Variants in RIT2 observed in about 807,000 individuals in gnomAD.
RIT2 encodes the protein GTP-binding protein Rit2.
In RIT2, 24 loss-of-function variants were observed where a neutral mutation model predicts 23.7. The observed-to-expected ratio is 1.01, with a 90% CI of 0.73 to 1.43. The LOEUF (loss-of-function observed/expected upper bound fraction) is 1.43. Among genes scored for constraint, RIT2 ranks in the 40% most tolerant of loss-of-function variants. The pLI, the probability that RIT2 is intolerant of heterozygous loss-of-function variation, is 0.00. For synonymous variants in RIT2, 107 were observed against 91.1 expected (o/e 1.17, Z -0.99); for missense variants, 236 against 266.9 (o/e 0.88, Z 0.81).
At chr18:42,856,827 C>CTTTTTTTTT (rs756725926) in intron 4 of RIT2, among the ~76,000 whole-genome samples, 9 of 114,656 alleles carry the variant, frequency 7.8e-5, no homozygotes, top group African/African-American at 3.0e-4. Context: ...CTCTCTCTCT[C>CTTTTTTTTT]TTTTTTTTTT....
chr18:42,776,901 C>A (rs141775522), intron 4 of RIT2, among the ~76,000 whole-genome samples: 249 of 151,940 alleles, frequency 1.6e-3, no homozygotes, highest in Non-Finnish European at 3.1e-3. Flanking sequence ...CAACATGTAT[C>A]TAGAATAGAC....
At chr18:42,900,956 A>C (rs1159469656) in intron 4 of RIT2, among the ~76,000 whole-genome samples, 1 of 151,816 alleles carries the variant, frequency 6.6e-6, no homozygotes, top group African/African-American at 2.4e-5. Context: ...TTTTTATATC[A>C]CGGTTAAAAT....
intron 4 of RIT2, among the ~76,000 whole-genome samples, chr18:42,921,388 G>T (rs1909053191): frequency 6.6e-6 from 1 of 152,114 alleles, no homozygotes; most frequent in Non-Finnish European, 1.5e-5. Flanking sequence ...TATCAAATCT[G>T]CAAAGTTACT....
rs148512547 is a variant in RIT2 at position 42,947,206 on chromosome 18, G to A, written c.235-23443C>T. 3.4e-3 allele frequency among the ~76,000 whole-genome samples: 513 copies of A among 152,222 alleles called. 3 individuals carry two copies. In the Middle Eastern group the frequency reaches 0.034, roughly 10 times the overall value. ...GAGGACATAAAACTATTAGGAAAGAGAAGGATGTTGGAAATTGAGATGCAG... is the reference window on the plus strand; with the variant it reads ...GAGGACATAAAACTATTAGGAAAGAAAAGGATGTTGGAAATTGAGATGCAG... On this transcript the variant is annotated intron_variant, in intron 3 of 4. Transcript: ENST00000326695.
At chr18:43,014,606 T>G (rs1363538282) in intron 2 of RIT2, among the ~76,000 whole-genome samples, 1 of 113,998 alleles carries the variant, frequency 8.8e-6, no homozygotes, top group Non-Finnish European at 1.9e-5. Flanking sequence ...AAAAACATTT[T>G]TAAAATATAA....
chr18:43,104,179 C>T (rs2144242401), intron 1 of RIT2, among the ~76,000 whole-genome samples: 1 of 152,236 alleles, frequency 6.6e-6, no homozygotes, highest in South Asian at 2.1e-4. Context: ...TAAACTAAAT[C>T]AGGCATAGAA....
chr18:42,974,067 C>T lies in RIT2; in HGVS notation c.234+7G>A. Reference sequence around the variant, plus strand: ...AGAGATTGGAGAGGTTTAAGAACATCACCTACCTGGCCAGCAGTGTCCAAG... The same window carrying T: ...AGAGATTGGAGAGGTTTAAGAACATTACCTACCTGGCCAGCAGTGTCCAAG... On this transcript the variant is annotated splice_region_variant and intron_variant, in intron 3 of 4. Transcript: ENST00000326695. 6.2e-7 allele frequency: 1 copy of T among 1,603,984 alleles called. No individual in the cohort carries two copies.
intron 3 of RIT2, among the ~76,000 whole-genome samples, chr18:42,956,039 G>A (rs1909963059): frequency 6.6e-6 from 1 of 152,090 alleles, no homozygotes; most frequent in African/African-American, 2.4e-5. Flanking sequence ...GTTACCCTAG[G>A]TGATTCAAGT....
chr18:42,886,299 C>T (rs186837871), intron 4 of RIT2, among the ~76,000 whole-genome samples: 22 of 152,178 alleles, frequency 1.4e-4, no homozygotes, highest in African/African-American at 2.2e-4. Flanking sequence ...AATTCTATTG[C>T]GCGCAGAATA....
chr18:42,966,247 G>T (rs1910221385), intron 3 of RIT2, among the ~76,000 whole-genome samples: 2 of 152,036 alleles, frequency 1.3e-5, no homozygotes, highest in Admixed American at 1.3e-4. Flanking sequence ...AGGATGCAAA[G>T]TTCTTTCATT....
At chr18:42,763,459 C>A (rs1446482123) in intron 4 of RIT2, among the ~76,000 whole-genome samples, 1 of 21,892 alleles carries the variant, frequency 4.6e-5, no homozygotes, top group East Asian at 1.8e-3. Context: ...GAGACTCCGT[C>A]TCAAAAAAAA....
chr18:42,965,250 T>C (rs1465583442), intron 3 of RIT2, among the ~76,000 whole-genome samples: 1 of 152,208 alleles, frequency 6.6e-6, no homozygotes, highest in Non-Finnish European at 1.5e-5. Context: ...CATTTAACTC[T>C]TTGTTTTAAG....
chr18:42,749,654 AAC>A (rs1359032388), intron 4 of RIT2, among the ~76,000 whole-genome samples: 1 of 151,818 alleles, frequency 6.6e-6, no homozygotes, highest in Non-Finnish European at 1.5e-5. Flanking sequence ...AGATACTACA[AAC>A]ATAAAAAAGA....
intron 2 of RIT2, among the ~76,000 whole-genome samples, chr18:42,995,597 C>G (rs147630683): frequency 6.6e-6 from 1 of 152,074 alleles, no homozygotes; most frequent in African/African-American, 2.4e-5. Context: ...CCTTACAGTC[C>G]TCAGTCTTCA....
intron 4 of RIT2, among the ~76,000 whole-genome samples, chr18:42,910,940 A>T (rs1322594614): frequency 1.3e-5 from 2 of 152,122 alleles, no homozygotes; most frequent in Non-Finnish European, 2.9e-5. Flanking sequence ...AAACAACAAG[A>T]TCTACTGACA....
At chr18:42,831,010 C>T (rs530272530) in intron 4 of RIT2, among the ~76,000 whole-genome samples, 21 of 152,250 alleles carry the variant, frequency 1.4e-4, no homozygotes, top group South Asian at 2.1e-4. Context: ...ACTGAAAGTG[C>T]TTTTTCTTAT....
chr18:42,862,216 C>T (rs375589569), intron 4 of RIT2, among the ~76,000 whole-genome samples: 6 of 151,912 alleles, frequency 3.9e-5, no homozygotes, highest in South Asian at 2.1e-4. Context: ...TGATAGAGAG[C>T]GAGTTCTCAT....
chr18:42,822,435 G>T (rs1464226121), intron 4 of RIT2, among the ~76,000 whole-genome samples: 1 of 152,070 alleles, frequency 6.6e-6, no homozygotes, highest in Non-Finnish European at 1.5e-5. Flanking sequence ...GTTGATCATG[G>T]CAGTTTAAAA....
chr18:42,819,683 A>G (rs773826539), intron 4 of RIT2, among the ~76,000 whole-genome samples: 5 of 152,146 alleles, frequency 3.3e-5, no homozygotes, highest in Admixed American at 6.6e-5. Context: ...TGACTTTACA[A>G]ACATGTACAA....
Sources: allele counts gnomAD v4.1 joint callset (sites outside exome capture counted in the v4.1 genomes callset), GRCh38; gene constraint gnomAD v4.1.1; transcripts MANE v1.5; gene names NCBI Gene and HGNC (gene_info 2026-07-23, HGNC 2026-07-21).